Variants in TLE1 observed in about 807,000 individuals in gnomAD.
The protein encoded by TLE1 is transducin-like enhancer protein 1.
TLE1 carries 21 observed loss-of-function variants against 89.8 expected under a neutral mutation model. That is an observed-to-expected ratio of 0.23 (90% CI 0.17 to 0.34). TLE1 has a LOEUF of 0.34. Ranked by LOEUF, TLE1 falls within the 10% of genes least tolerant of loss-of-function variation. TLE1 has a pLI of 1.00. For synonymous variants in TLE1, 447 were observed against 407.6 expected, an observed-to-expected ratio of 1.10 and a Z score of -1.16; for missense variants, 795 against 1,031.2, an observed-to-expected ratio of 0.77 and a Z score of 3.14.
chr9:81,659,358 A>G (rs1830503846), intron 4 of TLE1, among the ~76,000 whole-genome samples: 1 of 152,190 alleles, frequency 6.6e-6, no homozygotes, highest in African/African-American at 2.4e-5. Context: ...CCACCTAGAA[A>G]TAATTTTCCT....
chr9:81,587,933 T>TGTGTGTGTGTGTGTGTGTGG, intron 16 of TLE1, 105 bp from the exon 17 acceptor site: 1 of 519,564 alleles, frequency 1.9e-6, no homozygotes, highest in Non-Finnish European at 2.7e-6. Context: ...TGTGTGTGTG[T>TGTGTGTGTGTGTGTGTGTGG]GTGTGTGTGT....
chr9:81,639,876 C>T (rs960384666), intron 6 of TLE1, among the ~76,000 whole-genome samples: 9 of 151,932 alleles, frequency 5.9e-5, no homozygotes, highest in East Asian at 1.9e-4. Context: ...CATGAACCAC[C>T]GCGCCCAGCT....
At chr9:81,661,821 TGTAA>T (rs1830833305) in intron 4 of TLE1, among the ~76,000 whole-genome samples, 1 of 152,138 alleles carries the variant, frequency 6.6e-6, no homozygotes. Flanking sequence ...TAAATTTTGT[TGTAA>T]GTAAGGTAGG....
At chr9:81,638,060 A>G (rs1449920972) in intron 6 of TLE1, among the ~76,000 whole-genome samples, 1 of 152,178 alleles carries the variant, frequency 6.6e-6, no homozygotes, top group Non-Finnish European at 1.5e-5. Flanking sequence ...GAGACTTCGC[A>G]TTTCCCCCAC....
intron 4 of TLE1, among the ~76,000 whole-genome samples, chr9:81,679,236 G>A (rs1833295141): frequency 1.3e-5 from 2 of 151,998 alleles, no homozygotes; most frequent in African/African-American, 2.4e-5. Flanking sequence ...ACACTTCCTG[G>A]ATTTTCATTA....
intron 6 of TLE1, among the ~76,000 whole-genome samples, chr9:81,640,297 A>G (rs888409701): frequency 2.0e-5 from 3 of 152,034 alleles, no homozygotes; most frequent in Non-Finnish European, 4.4e-5. Flanking sequence ...ACATTCAATC[A>G]CATTCACTGT....
chr9:81,685,741 C>G, intron 3 of TLE1, 21 bp from the exon 4 acceptor site: 1 of 1,612,592 alleles, frequency 6.2e-7, no homozygotes, highest in Non-Finnish European at 8.5e-7. Flanking sequence ...AAAAAAGAAT[C>G]AAGCATTTCA....
At chr9:81,625,498 A>G (rs1413548576) in intron 8 of TLE1, among the ~76,000 whole-genome samples, 4 of 152,210 alleles carry the variant, frequency 2.6e-5, no homozygotes, top group Admixed American at 2.0e-4. Flanking sequence ...AGGTAACCAG[A>G]TAATTGGCGA....
intron 6 of TLE1, among the ~76,000 whole-genome samples, chr9:81,647,685 T>TA (rs1829024001): frequency 1.3e-5 from 2 of 152,262 alleles, no homozygotes; most frequent in Admixed American, 1.3e-4. Flanking sequence ...GGTGGGAAGG[T>TA]AGACGGTATT....
chr9:81,611,625 G>T, intron 13 of TLE1, 144 bp downstream of exon 13: 1 of 718,504 alleles, frequency 1.4e-6, no homozygotes, highest in Non-Finnish European at 2.0e-6. Context: ...GTGGCTGGGA[G>T]ACTGGGCGTC....
chr9:81,637,897 C>T (rs1413391377), intron 6 of TLE1, among the ~76,000 whole-genome samples: 1 of 152,126 alleles, frequency 6.6e-6, no homozygotes, highest in Non-Finnish European at 1.5e-5. Context: ...ACAGACGATA[C>T]TGGCTCAAAG....
At chr9:81,619,969 C>G (rs1325945987) in intron 9 of TLE1, among the ~76,000 whole-genome samples, 1 of 152,216 alleles carries the variant, frequency 6.6e-6, no homozygotes, top group Non-Finnish European at 1.5e-5. Context: ...CCTATATTAT[C>G]AGAACAGCAT....
At chr9:81,678,645 T>A (rs1245968680) in intron 4 of TLE1, among the ~76,000 whole-genome samples, 1 of 151,876 alleles carries the variant, frequency 6.6e-6, no homozygotes, top group African/African-American at 2.4e-5. Flanking sequence ...CAAAACTCCG[T>A]CTATACTAAA....
At chr9:81,634,385 G>T in intron 6 of TLE1, 84 bp from the exon 7 acceptor site, 1 of 1,184,774 alleles carries the variant, frequency 8.4e-7, no homozygotes, top group South Asian at 2.0e-5. Context: ...CGGCATCCAG[G>T]GGAAAACAGA....
chr9:81,589,079 C>T (rs1313171245), intron 16 of TLE1, among the ~76,000 whole-genome samples: 2 of 152,186 alleles, frequency 1.3e-5, no homozygotes, highest in African/African-American at 2.4e-5. Flanking sequence ...GCAGCTGGAC[C>T]TCCAATGTTT....
chr9:81,671,931 G>A (rs1283949920), intron 4 of TLE1, among the ~76,000 whole-genome samples: 1 of 152,140 alleles, frequency 6.6e-6, no homozygotes, highest in Admixed American at 6.5e-5. Context: ...TTGGCTCTGA[G>A]GGAGCTCATG....
intron 4 of TLE1, among the ~76,000 whole-genome samples, chr9:81,669,084 G>A (rs1159998718): frequency 6.6e-6 from 1 of 152,214 alleles, no homozygotes; most frequent in African/African-American, 2.4e-5. Flanking sequence ...ACAGGGCTGG[G>A]TTGGCTCAAT....
At chr9:81,592,230 C>T (rs2777773) in intron 15 of TLE1, among the ~76,000 whole-genome samples, 19,830 of 152,158 alleles carry the variant, frequency 0.13, 1,530 homozygotes, top group Middle Eastern at 0.25. Context: ...TGGTGGTGGG[C>T]GCCCGTAGTC....
intron 8 of TLE1, among the ~76,000 whole-genome samples, chr9:81,633,091 A>G (rs942376877): frequency 3.9e-5 from 6 of 152,352 alleles, no homozygotes; most frequent in Admixed American, 3.9e-4. Context: ...ATCACAGCAA[A>G]TAGTTTTGCC....
Sources: allele counts gnomAD v4.1 joint callset (sites outside exome capture counted in the v4.1 genomes callset), GRCh38; gene constraint gnomAD v4.1.1; transcripts MANE v1.5; gene names NCBI Gene and HGNC (gene_info 2026-07-23, HGNC 2026-07-21).